The following ZNF644 variants were observed in gnomAD, a reference collection of about 807,000 sequenced individuals.
ZNF644 encodes the protein zinc finger protein 644, also known as zinc finger motif enhancer binding protein 2.
Under a neutral mutation model 108.0 loss-of-function variants are expected in ZNF644, and 20 were observed. That is an observed-to-expected ratio of 0.19 (90% CI 0.13 to 0.27). ZNF644 has a LOEUF of 0.27. Among genes scored for constraint, ZNF644 ranks in the 10% least tolerant of loss-of-function variants. The pLI, the probability that ZNF644 is intolerant of heterozygous loss-of-function variation, is 1.00. For missense variants in ZNF644, 1,338 were observed against 1,548.9 expected (o/e 0.86, Z 2.29); for synonymous variants, 542 against 539.1 (o/e 1.01, Z -0.08).
chr1:90,919,574 G>A (rs1014711716), intron 4 of ZNF644, among the ~76,000 whole-genome samples: 1 of 151,978 alleles, frequency 6.6e-6, no homozygotes, highest in Non-Finnish European at 1.5e-5. Context: ...GTAAAATCTA[G>A]GACACAGTCT....
At chr1:90,963,217 AAG>A (rs1232532812) in intron 2 of ZNF644, among the ~76,000 whole-genome samples, 1 of 152,096 alleles carries the variant, frequency 6.6e-6, no homozygotes, top group African/African-American at 2.4e-5. Context: ...AGGATAGGAG[AAG>A]AGACGTTGCA....
chr1:91,016,411 G>GTA (rs1660436972), intron 1 of ZNF644, among the ~76,000 whole-genome samples: 2 of 152,100 alleles, frequency 1.3e-5, no homozygotes, highest in South Asian at 4.1e-4. Flanking sequence ...AGGCTACTTG[G>GTA]TATAGCCTAT....
Position 90,940,838 on chromosome 1 carries a change from G to T in ZNF644, c.516C>A (p.His172Gln), listed in dbSNP as rs370751847. Reference sequence around the variant, plus strand: ...CATCTGATAACAAAAATAAAACTTGGTGTTGACTTGCTTTCTGTGGTGTAG... The same window carrying T: ...CATCTGATAACAAAAATAAAACTTGTTGTTGACTTGCTTTCTGTGGTGTAG... The part of the protein sequence containing the change: ...QLSTPQKASQ[H>Q]QVLFLLSDVA... The change falls in exon 3 of 6, where the codon CAC becomes CAA. Residue 172 changes from histidine (H) to glutamine (Q), a missense_variant. By Grantham distance (24) the His-to-Gln change is conservative (BLOSUM62 0). Transcript: ENST00000337393. The T allele has an allele frequency of 2.2e-5, 36 of 1,613,950 alleles. No homozygotes were observed. In the African/African-American group the frequency reaches 4.8e-4, roughly 22 times the overall value.
Position 91,005,523 on chromosome 1 carries a change from G to A in ZNF644, c.-18+16467C>T, listed in dbSNP as rs377078956. 9.6e-4 allele frequency among the ~76,000 whole-genome samples: 146 copies of A among 152,248 alleles called. 2 individuals carry two copies. Among genetic ancestry groups the A allele is most frequent in the Middle Eastern group, 6.8e-3 (2 of 294 alleles). ...GAATGTTCTTTAGTATGTACTAGGT[G>A]TTAGGCCATCAGACAAGTGTCAATA... is the stretch of plus-strand genomic sequence containing the variant. On this transcript the variant is annotated intron_variant, in intron 1 of 5. Coordinates refer to ENST00000337393, the MANE Select transcript of ZNF644 (RefSeq NM_201269.3).
rs1315420750 is a variant in ZNF644, at chr1:90,915,965, A to T, written c.*833T>A. 5 of 152,618 alleles carry T rather than the reference A, an allele frequency of 3.3e-5. No homozygotes were observed. 9.5% of individuals were successfully genotyped at this position (152,618 alleles called of 1,614,324 possible). A position where few individuals can be genotyped will look rare whatever the true frequency, so the allele number is the denominator to read the frequency against. On this transcript the variant is annotated 3_prime_UTR_variant, in exon 6 of 6. Coordinates refer to ENST00000337393, the MANE Select transcript of ZNF644 (RefSeq NM_201269.3). Reference sequence around the variant, plus strand: ...AAATTTTAGGTAAAACATTAAAAAGAAACAAACCTGTTAACAAAAGAATGT... The same window carrying T: ...AAATTTTAGGTAAAACATTAAAAAGTAACAAACCTGTTAACAAAAGAATGT...
intron 1 of ZNF644, among the ~76,000 whole-genome samples, chr1:90,984,699 G>T (rs1656918187): frequency 1.3e-5 from 2 of 152,064 alleles, no homozygotes. Context: ...AGCCTGACTG[G>T]TATCATTCTA....
chr1:90,928,061 G>T (rs1365283046), intron 4 of ZNF644, among the ~76,000 whole-genome samples: 1 of 151,648 alleles, frequency 6.6e-6, no homozygotes, highest in Admixed American at 6.6e-5. Context: ...GGCCAGGCTG[G>T]TCTCAAACTC....
chr1:91,000,889 A>G (rs922696976), intron 1 of ZNF644, among the ~76,000 whole-genome samples: 7 of 152,244 alleles, frequency 4.6e-5, no homozygotes, highest in Admixed American at 1.3e-4. Flanking sequence ...AACTACCACC[A>G]GAGAATACTA....
intron 4 of ZNF644, among the ~76,000 whole-genome samples, chr1:90,935,150 G>A (rs1651183158): frequency 6.6e-6 from 1 of 151,942 alleles, no homozygotes; most frequent in Non-Finnish European, 1.5e-5. Context: ...ATGGGATTAA[G>A]GTAGACTCAA....
intron 2 of ZNF644, among the ~76,000 whole-genome samples, chr1:90,967,703 T>C (rs1655058317): frequency 1.3e-5 from 2 of 151,994 alleles, no homozygotes; most frequent in Admixed American, 6.6e-5. Flanking sequence ...ATCAGACACA[T>C]TGCATATTTC....
At chr1:90,983,214 T>A (rs765467699) in intron 1 of ZNF644, among the ~76,000 whole-genome samples, 1 of 152,116 alleles carries the variant, frequency 6.6e-6, no homozygotes, top group Non-Finnish European at 1.5e-5. Flanking sequence ...CAAACTATCA[T>A]CTCTGATTTG....
chr1:90,969,015 T>C (rs1156352798), intron 2 of ZNF644, among the ~76,000 whole-genome samples: 1 of 152,194 alleles, frequency 6.6e-6, no homozygotes, highest in Non-Finnish European at 1.5e-5. Flanking sequence ...GTAAGCAGCA[T>C]CTGATAATTC....
chr1:90,972,890 A>G (rs541361087), intron 2 of ZNF644: 2 of 152,364 alleles, frequency 1.3e-5, no homozygotes, highest in South Asian at 4.1e-4. Flanking sequence ...GATTCTGCTT[A>G]TGAGACACTT....
In ZNF644 at chr1:90,915,713, T is replaced by C. The variant is rs1375590919; in HGVS notation, c.*1085A>G. 6.6e-6 allele frequency: 1 copy of C among 152,622 alleles called. No homozygotes were observed. Among genetic ancestry groups the C allele is most frequent in the Non-Finnish European group, 1.5e-5 (1 of 68,006 alleles). 9.5% of individuals were successfully genotyped at this position (152,622 alleles called of 1,614,324 possible). On this transcript the variant is annotated 3_prime_UTR_variant, in exon 6 of 6. Coordinates refer to ENST00000337393, the MANE Select transcript of ZNF644 (RefSeq NM_201269.3). Reference sequence around the variant, plus strand: ...TTAGCATGAGCATAGTGTTACACGATTTTCGTACATATAATCACATCCAAA... The same window carrying C: ...TTAGCATGAGCATAGTGTTACACGACTTTCGTACATATAATCACATCCAAA...
chr1:90,926,137 C>G (rs1490482294), intron 4 of ZNF644, among the ~76,000 whole-genome samples: 2 of 152,160 alleles, frequency 1.3e-5, no homozygotes, highest in Non-Finnish European at 1.5e-5. Context: ...TTGAACTGAC[C>G]AGCATTCCTT....
At chr1:90,963,609 C>T (rs574200680) in intron 2 of ZNF644, among the ~76,000 whole-genome samples, 10 of 152,140 alleles carry the variant, frequency 6.6e-5, no homozygotes, top group African/African-American at 2.4e-4. Context: ...TACAAGTGAA[C>T]CATAGCGACA....
At chr1:91,014,293 G>C (rs566228556) in intron 1 of ZNF644, among the ~76,000 whole-genome samples, 1 of 151,844 alleles carries the variant, frequency 6.6e-6, no homozygotes, top group African/African-American at 2.4e-5. Context: ...TCATCTTCCC[G>C]ATGAGTGCCA....
intron 2 of ZNF644, among the ~76,000 whole-genome samples, chr1:90,941,799 T>C (rs748686933): frequency 1.1e-4 from 17 of 152,184 alleles, no homozygotes; most frequent in Non-Finnish European, 1.6e-4. Flanking sequence ...TTGTCACTTA[T>C]AAGTTCATTC....
chr1:90,993,939 A>G (rs544018742), intron 1 of ZNF644, among the ~76,000 whole-genome samples: 32 of 152,184 alleles, frequency 2.1e-4, no homozygotes, highest in Non-Finnish European at 3.8e-4. Context: ...TAATTTCCAG[A>G]TAGGGACACA....
Sources: gnomAD v4.1 joint callset for allele counts (sites outside exome capture counted in the v4.1 genomes callset) on GRCh38, gnomAD v4.1.1 for gene constraint, MANE v1.5 for transcripts, NCBI Gene and HGNC (gene_info 2026-07-23, HGNC 2026-07-21) for gene names.